Variants in VBP1 observed in about 807,000 individuals in gnomAD.
The protein encoded by VBP1 is VHL binding protein 1.
Under a neutral mutation model 15.5 loss-of-function variants are expected in VBP1, and 4 were observed. That is an observed-to-expected ratio of 0.26 (90% CI 0.13 to 0.59). VBP1 has a LOEUF of 0.59. VBP1 is among the 20% of genes least tolerant of loss of function. The pLI is 0.90. For missense variants in VBP1, 108 were observed against 139.6 expected (o/e 0.77, Z 1.14); for synonymous variants, 61 against 52.1 (o/e 1.17, Z -0.74).
At chrX:155,225,763 T>C (rs2074716716) in intron 2 of VBP1, among the ~76,000 whole-genome samples, 1 of 112,453 alleles carries the variant, frequency 8.9e-6, no homozygotes, top group African/African-American at 3.2e-5. Context: ...ATCTTTCTGT[T>C]TACCTATATG....
intron 4 of VBP1, among the ~76,000 whole-genome samples, chrX:155,229,379 A>G (rs2074735414): frequency 8.9e-6 from 1 of 112,688 alleles, no homozygotes; most frequent in Non-Finnish European, 1.9e-5. Context: ...TTGATTCACA[A>G]ATTCAAGTGT....
chrX:155,218,485 T>C (rs2074675007), intron 1 of VBP1, among the ~76,000 whole-genome samples: 1 of 111,715 alleles, frequency 9.0e-6, no homozygotes, highest in Non-Finnish European at 1.9e-5. Flanking sequence ...GGAAGCAATA[T>C]ACCATAGTGG....
At chrX:155,232,342 A>G (rs1251730135) in intron 4 of VBP1, among the ~76,000 whole-genome samples, 1 of 110,052 alleles carries the variant, frequency 9.1e-6, no homozygotes, top group Admixed American at 9.7e-5. Context: ...CTTTTGTGGT[A>G]GCTCTTAGAA....
At chrX:155,224,234 G>A (rs782143609) in intron 2 of VBP1, among the ~76,000 whole-genome samples, 66 of 113,020 alleles carry the variant, frequency 5.8e-4, no homozygotes, top group Non-Finnish European at 1.0e-3. Flanking sequence ...TCGGCACTTT[G>A]GGAGGCCAAG....
chrX:155,202,617 G>A (rs376713268), intron 1 of VBP1, among the ~76,000 whole-genome samples: 7 of 104,368 alleles, frequency 6.7e-5, no homozygotes, highest in African/African-American at 2.6e-4. Context: ...TCAAGATGGA[G>A]TAAAGACTTA....
intron 2 of VBP1, among the ~76,000 whole-genome samples, chrX:155,222,385 G>A (rs1337594240): frequency 3.6e-5 from 4 of 111,495 alleles, no homozygotes; most frequent in Admixed American, 9.5e-5. Flanking sequence ...TGAGGTGAGA[G>A]TATTGCTTAA....
At chrX:155,202,255 A>T (rs2074607507) in intron 1 of VBP1, among the ~76,000 whole-genome samples, 1 of 110,899 alleles carries the variant, frequency 9.0e-6, no homozygotes, top group South Asian at 3.8e-4. Flanking sequence ...AATTGGAAAA[A>T]ATTTTAAAGT....
intron 1 of VBP1, among the ~76,000 whole-genome samples, chrX:155,204,448 C>T (rs782328839): frequency 6.3e-5 from 7 of 111,910 alleles, no homozygotes; most frequent in African/African-American, 6.5e-5. Flanking sequence ...GCACCACACC[C>T]GGCCAGAAAA....
intron 1 of VBP1, among the ~76,000 whole-genome samples, chrX:155,203,621 C>CG (rs782409172): frequency 4.2e-3 from 133 of 32,024 alleles, no homozygotes; most frequent in Non-Finnish European, 5.6e-3. Flanking sequence ...GGGGTGGGGG[C>CG]GGGGGGAGGG....
chrX:155,222,284 G>A (rs1557309666), intron 2 of VBP1, among the ~76,000 whole-genome samples: 1 of 111,987 alleles, frequency 8.9e-6, no homozygotes, highest in African/African-American at 3.3e-5. Context: ...AGGAGTTCAA[G>A]ACCAGTGTGG....
chrX:155,227,386 T>C (rs2074724396), intron 3 of VBP1, 85 bp downstream of exon 3: 3 of 679,273 alleles, frequency 4.4e-6, no homozygotes, highest in Admixed American at 3.6e-5. Flanking sequence ...GTCACTGATA[T>C]TTGATCTGTG....
intron 1 of VBP1, among the ~76,000 whole-genome samples, chrX:155,200,876 GAAGAA>G (rs2074600489): frequency 9.1e-6 from 1 of 110,215 alleles, no homozygotes; most frequent in Admixed American, 9.7e-5. Context: ...GACTAATAAA[GAAGAA>G]AAGAGAGAAG....
At chrX:155,222,646 G>A (rs1468818073) in intron 2 of VBP1, among the ~76,000 whole-genome samples, 1 of 111,850 alleles carries the variant, frequency 8.9e-6, no homozygotes, top group Non-Finnish European at 1.9e-5. Flanking sequence ...GTATGTAGCA[G>A]GATACTCACT....
At chrX:155,199,953 G>A (rs1440081004) in intron 1 of VBP1, among the ~76,000 whole-genome samples, 32 of 105,967 alleles carry the variant, frequency 3.0e-4, no homozygotes, top group African/African-American at 5.5e-4. Context: ...GGCAGGGGTT[G>A]CAATCCTAGT....
At chrX:155,216,343 G>A, upstream of VBP1, 2 of 1,099,125 alleles carry the variant, frequency 1.8e-6, no homozygotes, top group Non-Finnish European at 2.4e-6. Flanking sequence ...AAAGGAGAAC[G>A]GGGACTTGTG....
intron 3 of VBP1, among the ~76,000 whole-genome samples, chrX:155,227,515 G>A (rs1557310365): frequency 8.9e-6 from 1 of 112,220 alleles, no homozygotes; most frequent in Non-Finnish European, 1.9e-5. Context: ...GCCCACACTT[G>A]GATTACTTTG....
intron 2 of VBP1, chrX:155,209,018 AG>A (rs1557308310): frequency 8.2e-6 from 9 of 1,101,413 alleles, no homozygotes; most frequent in Non-Finnish European, 9.7e-6. Flanking sequence ...GCCTTGGCAG[AG>A]ATAGGCAGTC....
intron 2 of VBP1, among the ~76,000 whole-genome samples, chrX:155,210,718 AT>A (rs2074641953): frequency 8.9e-6 from 1 of 111,855 alleles, no homozygotes; most frequent in South Asian, 3.7e-4. Flanking sequence ...TGATGGCATC[AT>A]TTTGCTGAAA....
At chrX:155,216,451 C>T (rs1364503198), upstream of VBP1, 1 of 1,162,959 alleles carries the variant, frequency 8.6e-7, no homozygotes, top group Admixed American at 2.6e-5. Context: ...GGCCGGCGGC[C>T]CGGGAGGCAG....
Sources: gnomAD v4.1 joint callset for allele counts (sites outside exome capture counted in the v4.1 genomes callset) on GRCh38, gnomAD v4.1.1 for gene constraint, MANE v1.5 for transcripts, NCBI Gene and HGNC (gene_info 2026-07-23, HGNC 2026-07-21) for gene names.